Variants in GLRA2 observed in about 807,000 individuals in gnomAD.
GLRA2 encodes the protein glycine receptor subunit alpha-2.
GLRA2 carries 11 observed loss-of-function variants against 31.6 expected under a neutral mutation model. That is an observed-to-expected ratio of 0.35 (90% CI 0.22 to 0.58). GLRA2 has a LOEUF of 0.58. GLRA2 is among the 20% of genes least tolerant of loss of function. The probability of loss-of-function intolerance (pLI) is 0.84; values close to 1 mark genes in which losing one functional copy is unlikely to be tolerated. For synonymous variants in GLRA2, 132 were observed against 134.0 expected (o/e 0.99, Z 0.10); for missense variants, 212 against 351.8 (o/e 0.60, Z 3.18).
intron 7 of GLRA2, among the ~76,000 whole-genome samples, chrX:14,658,970 C>A (rs2090966559): frequency 9.0e-6 from 1 of 111,579 alleles, no homozygotes; most frequent in African/African-American, 3.3e-5. Context: ...AGAATATGAA[C>A]CTACTCTGAG....
chrX:14,608,948 A>G (rs1162750540), intron 6 of GLRA2, 43 bp from the exon 7 acceptor site: 5 of 637,907 alleles, frequency 7.8e-6, no homozygotes, highest in Admixed American at 5.0e-5. Context: ...AATTGGAAAT[A>G]TAAATTCAGG....
At chrX:14,495,339 G>A in the GLRA2 span, among the ~76,000 whole-genome samples, 1 of 110,697 alleles carries the variant, frequency 9.0e-6, no homozygotes, top group African/African-American at 3.3e-5. Flanking sequence ...AAACTATAAT[G>A]CAGGCGAATG....
At position 14,548,037 on chromosome X, in the gene GLRA2, C is replaced by G. The variant is rs777573510; in HGVS notation, c.202+15665C>G. 5.4e-5 allele frequency among the ~76,000 whole-genome samples: 6 copies of G among 112,057 alleles called. No homozygotes were observed. In the East Asian group the frequency reaches 1.7e-3, roughly 32 times the overall value. ...GCAAACTTGAATATTAAGAACTGAA[C>G]TAAGTTATTATTATCTGCTAATTAT... On this transcript the variant is annotated intron_variant, in intron 2 of 8. Transcript: ENST00000218075.
chrX:14,683,020 T>C (rs775046035), intron 7 of GLRA2, among the ~76,000 whole-genome samples: 2 of 112,006 alleles, frequency 1.8e-5, no homozygotes, highest in African/African-American at 6.5e-5. Context: ...TACGTGTGCA[T>C]GTGTCTTTAT....
chrX:14,468,220 G>A, the GLRA2 span, among the ~76,000 whole-genome samples: 3 of 112,241 alleles, frequency 2.7e-5, no homozygotes, highest in South Asian at 1.1e-3. Context: ...GCATTTCAAT[G>A]CCAAAGCTGC....
intron 7 of GLRA2, among the ~76,000 whole-genome samples, chrX:14,670,288 T>A (rs765489964): frequency 8.9e-6 from 1 of 111,935 alleles, no homozygotes; most frequent in South Asian, 3.7e-4. Context: ...AACTTTCCTA[T>A]ATTTTCCTGT....
intron 2 of GLRA2, among the ~76,000 whole-genome samples, chrX:14,556,643 G>A (rs374700469): frequency 5.4e-5 from 6 of 112,063 alleles, no homozygotes; most frequent in East Asian, 5.6e-4. Context: ...AAAGTGTTCT[G>A]AATCTCCCAA....
At chrX:14,474,171 GTCTGATCTTA>G in the GLRA2 span, among the ~76,000 whole-genome samples, 2 of 111,668 alleles carry the variant, frequency 1.8e-5, no homozygotes, top group African/African-American at 3.3e-5. Context: ...TATTGACTAG[GTCTGATCTTA>G]TCATTAGACC....
intron 2 of GLRA2, among the ~76,000 whole-genome samples, chrX:14,572,814 CAAAT>C (rs1217945347): frequency 1.8e-5 from 2 of 111,928 alleles, no homozygotes; most frequent in African/African-American, 6.5e-5. Flanking sequence ...GGGGCCCTCT[CAAAT>C]GAATGAGTTA....
chrX:14,477,513 C>T, the GLRA2 span, among the ~76,000 whole-genome samples: 3 of 111,271 alleles, frequency 2.7e-5, no homozygotes, highest in Non-Finnish European at 5.7e-5. Flanking sequence ...TAACCACTCT[C>T]CCCAGCAGAG....
At chrX:14,716,079 C>A (rs2091780172) in intron 8 of GLRA2, among the ~76,000 whole-genome samples, 1 of 111,032 alleles carries the variant, frequency 9.0e-6, no homozygotes, top group African/African-American at 3.3e-5. Context: ...CGAAGCTGAC[C>A]CTGTCAGAAG....
intron 8 of GLRA2, among the ~76,000 whole-genome samples, chrX:14,691,271 C>CTG (rs4014173): frequency 0.032 from 2,707 of 85,074 alleles, 61 homozygotes; most frequent in Non-Finnish European, 0.043. Context: ...TAAATATTGA[C>CTG]TGTGTGTGTG....
intron 8 of GLRA2, among the ~76,000 whole-genome samples, chrX:14,692,718 C>T (rs192726816): frequency 1.4e-3 from 154 of 111,552 alleles, no homozygotes; most frequent in Non-Finnish European, 2.2e-3. Context: ...TGCATACTCT[C>T]CTAGACCAAA....
intron 4 of GLRA2, among the ~76,000 whole-genome samples, chrX:14,599,856 T>C (rs1166680660): frequency 9.0e-6 from 1 of 111,723 alleles, no homozygotes; most frequent in African/African-American, 3.2e-5. Context: ...CTTAGGCCTT[T>C]AGATGCACGG....
chrX:14,588,363 C>G (rs1484544927), intron 4 of GLRA2, among the ~76,000 whole-genome samples: 2 of 111,568 alleles, frequency 1.8e-5, no homozygotes, highest in Non-Finnish European at 1.9e-5. Context: ...AGTCCTTTCC[C>G]CAGCTTGTTT....
At position 14,730,101 on chromosome X, in the gene GLRA2, C is replaced by T. The variant is rs1341775450; in HGVS notation, c.1081-106C>T. On this transcript the variant is annotated intron_variant, in intron 8 of 8. Transcript: ENST00000218075. The stretch of plus-strand genomic sequence containing the variant: ...TCGCTATTCCAAAAGCCTCCCACAC[C>T]ACCAGTTAACTGTGATTTATCCTTT... 5 of 586,423 alleles carry T rather than the reference C, an allele frequency of 8.5e-6. No homozygotes were observed. The East Asian group carries it at 1.3e-4, about 15-fold the overall frequency. 48.3% of individuals were successfully genotyped at this position (586,423 alleles called of 1,213,427 possible). A position where few individuals can be genotyped will look rare whatever the true frequency, so the allele number is the denominator to read the frequency against.
At chrX:14,566,794 G>T (rs999203117) in intron 2 of GLRA2, among the ~76,000 whole-genome samples, 3 of 111,023 alleles carry the variant, frequency 2.7e-5, no homozygotes, top group African/African-American at 9.9e-5. Context: ...CACTTGAAAC[G>T]ATTGCCTGCT....
At chrX:14,534,356 A>G (rs1163472089) in intron 2 of GLRA2, among the ~76,000 whole-genome samples, 1 of 110,407 alleles carries the variant, frequency 9.1e-6, no homozygotes, top group African/African-American at 3.3e-5. Flanking sequence ...CTCTCCCTTT[A>G]ACTCTCCAAT....
At chrX:14,656,369 CTG>C (rs1212168635) in intron 7 of GLRA2, among the ~76,000 whole-genome samples, 2 of 112,286 alleles carry the variant, frequency 1.8e-5, no homozygotes, top group Non-Finnish European at 3.8e-5. Flanking sequence ...GTTGTATATT[CTG>C]TGTTAGACTA....
Sources: allele counts gnomAD v4.1 joint callset (sites outside exome capture counted in the v4.1 genomes callset), GRCh38; gene constraint gnomAD v4.1.1; transcripts MANE v1.5; gene names NCBI Gene and HGNC (gene_info 2026-07-23, HGNC 2026-07-21).